Variants in PYGB observed in about 807,000 individuals in gnomAD.
The protein encoded by PYGB is glycogen phosphorylase B, also known as glycogen phosphorylase, brain form.
In PYGB, 82 loss-of-function variants were observed where a neutral mutation model predicts 94.3. The observed-to-expected ratio is 0.87, with a 90% CI of 0.73 to 1.04. The LOEUF (loss-of-function observed/expected upper bound fraction) is 1.04, where lower values mean the gene tolerates loss of function less well. Ranked by LOEUF, PYGB falls within the 50% of genes least tolerant of loss-of-function variation. The pLI is 0.00. For missense variants in PYGB, 1,132 were observed against 1,158.2 expected (o/e 0.98, Z 0.33); for synonymous variants, 488 against 479.1 (o/e 1.02, Z -0.24).
Position 25,281,109 on chromosome 20 carries a change from C to T in PYGB, c.1400C>T (p.Ser467Leu), listed in dbSNP as rs868627892. ...ARIHSEIVKQ[S>L]VFKDFYELEP... Reference sequence around the variant, plus strand: ...ATCCACTCGGAGATCGTGAAACAGTCGGTGTGAGTGGGGCGCTTGCCCGAG... The same window carrying T: ...ATCCACTCGGAGATCGTGAAACAGTTGGTGTGAGTGGGGCGCTTGCCCGAG... Residue 467 changes from serine (S) to leucine (L), a missense_variant, in exon 11 of 20, where the codon TCG becomes TTG. By Grantham distance (145) the Ser-to-Leu change is moderately radical (BLOSUM62 -2). Coordinates refer to ENST00000216962, the MANE Select transcript of PYGB (RefSeq NM_002862.4). 20 of 1,613,906 alleles carry T rather than the reference C, an allele frequency of 1.2e-5. No homozygotes were observed. The highest frequency in any genetic ancestry group is 1.7e-5 in the Admixed American group (1 of 59,994).
intron 2 of PYGB, 126 bp downstream of exon 2, chr20:25,259,464 G>C: frequency 1.4e-6 from 1 of 701,736 alleles, no homozygotes; most frequent in Non-Finnish European, 2.3e-6. Flanking sequence ...GGAGATTTAC[G>C]GCCTGTTCTC....
At chr20:25,260,819 C>T (rs115821609) in intron 2 of PYGB, among the ~76,000 whole-genome samples, 2,034 of 152,320 alleles carry the variant, frequency 0.013, 38 homozygotes, top group African/African-American at 0.043. Context: ...AAACGGCACA[C>T]GAGGAAATTA....
intron 6 of PYGB, 138 bp downstream of exon 6, chr20:25,276,895 C>A: frequency 1.3e-6 from 1 of 770,858 alleles, no homozygotes; most frequent in Non-Finnish European, 2.1e-6. Context: ...TCCCTGCGTC[C>A]CAGTGAAGAG....
chr20:25,268,146 T>G, intron 2 of PYGB, among the ~76,000 whole-genome samples: 1 of 113,426 alleles, frequency 8.8e-6, no homozygotes, highest in African/African-American at 3.5e-5. Context: ...CATTATTGAG[T>G]AAATCCTAGC....
At chr20:25,280,459 G>C in intron 10 of PYGB, 47 bp downstream of exon 10, 1 of 1,597,000 alleles carries the variant, frequency 6.3e-7, no homozygotes, top group Non-Finnish European at 8.6e-7. Flanking sequence ...CTACACCCAT[G>C]CCAACGGCCC....
chr20:25,292,978 GGCAGGA>G (rs1319358126), intron 17 of PYGB, among the ~76,000 whole-genome samples: 2 of 152,158 alleles, frequency 1.3e-5, no homozygotes, highest in Admixed American at 1.3e-4. Flanking sequence ...GCTGGGGCTG[GGCAGGA>G]CCCCACTGCC....
chr20:25,261,064 T>G (rs2092912421), intron 2 of PYGB, among the ~76,000 whole-genome samples: 1 of 152,232 alleles, frequency 6.6e-6, no homozygotes. Flanking sequence ...AGGGCATAGC[T>G]GAACAAAAGG....
intron 1 of PYGB, among the ~76,000 whole-genome samples, chr20:25,256,027 C>G (rs2092901835): frequency 6.6e-6 from 1 of 152,228 alleles, no homozygotes; most frequent in Non-Finnish European, 1.5e-5. Context: ...GCCATCACAC[C>G]TGGCTCCAGC....
intron 1 of PYGB, among the ~76,000 whole-genome samples, chr20:25,253,652 T>TAAAATAAAATAAAAG (rs2092894709): frequency 6.6e-6 from 1 of 151,450 alleles, no homozygotes; most frequent in African/African-American, 2.4e-5. Context: ...TAAAATAAAA[T>TAAAATAAAATAAAAG]AAAATAAGGT....
At chr20:25,287,138 G>T (rs1417703689) in intron 14 of PYGB, among the ~76,000 whole-genome samples, 1 of 152,204 alleles carries the variant, frequency 6.6e-6, no homozygotes, top group Non-Finnish European at 1.5e-5. Flanking sequence ...GACCTGGCGA[G>T]GACAGCCTGT....
rs758543025 is a variant in PYGB, at chr20:25,248,287, C to T, written c.109C>T (p.His37Tyr). The change falls in exon 1 of 20, where the codon CAC becomes TAC. Residue 37 changes from histidine (H) to tyrosine (Y), a missense_variant. Transcript: ENST00000216962. ...GCGGAAGAGCTTCAACCGGCACTTG[C>T]ACTTCACGCTGGTCAAGGACCGCAA... ...EVRKSFNRHLHFTLVKDRNVA... is the reference protein window; with the variant it reads ...EVRKSFNRHLYFTLVKDRNVA... 1 of 1,603,988 alleles carries T rather than the reference C, an allele frequency of 6.2e-7. No individual in the cohort carries two copies. Among genetic ancestry groups the T allele is most frequent in the Non-Finnish European group, 8.5e-7 (1 of 1,175,766 alleles).
chr20:25,287,673 CAAAA>C (rs1220487659), intron 14 of PYGB, among the ~76,000 whole-genome samples: 1 of 151,336 alleles, frequency 6.6e-6, no homozygotes, highest in Non-Finnish European at 1.5e-5. Flanking sequence ...CAAACAACAA[CAAAA>C]AAAACCCAAG....
intron 1 of PYGB, among the ~76,000 whole-genome samples, chr20:25,255,758 A>C (rs1285905123): frequency 7.0e-6 from 1 of 142,966 alleles, no homozygotes; most frequent in Non-Finnish European, 1.5e-5. Context: ...TTTGAGGTGG[A>C]GTTTTGCTCT....
chr20:25,278,549 G>A (rs774171233), intron 8 of PYGB, 87 bp downstream of exon 8: 8 of 1,539,456 alleles, frequency 5.2e-6, no homozygotes, highest in East Asian at 4.5e-5. Flanking sequence ...CCCAAAAGGG[G>A]CTAGAGTGGA....
Position 25,276,752 on chromosome 20 carries a change from A to G in PYGB, c.767A>G (p.Gln256Arg), listed in dbSNP as rs1208336244. 1.2e-6 allele frequency: 2 copies of G among 1,613,506 alleles called. No homozygotes were observed. The highest frequency in any genetic ancestry group is 1.7e-6 in the Non-Finnish European group (2 of 1,179,498). The change falls in exon 6 of 20, where the codon CAG (glutamine) becomes CGG (arginine). Residue 256 changes from glutamine to arginine, a missense_variant. Coordinates refer to ENST00000216962, the MANE Select transcript of PYGB (RefSeq NM_002862.4). ...SAKAPNDFKL[Q>R]DFNVGDYIEA... is the part of the protein sequence containing the mutation. ...AAGGCTCCCAACGACTTCAAGCTGC[A>G]GGACTGTACGTTCCGTGGTTCTTGG...
intron 4 of PYGB, 83 bp from the exon 5 acceptor site, chr20:25,274,509 C>T: frequency 6.6e-7 from 1 of 1,524,880 alleles, no homozygotes; most frequent in Non-Finnish European, 8.8e-7. Context: ...GTGATCTCGA[C>T]CGCACGGTCT....
At chr20:25,263,412 A>G (rs999805596) in intron 2 of PYGB, among the ~76,000 whole-genome samples, 4 of 152,232 alleles carry the variant, frequency 2.6e-5, no homozygotes, top group Non-Finnish European at 5.9e-5. Context: ...AGCTAGCAGA[A>G]GGCAAGAAAT....
chr20:25,269,285 G>A, intron 3 of PYGB, 78 bp downstream of exon 3: 4 of 1,227,614 alleles, frequency 3.3e-6, no homozygotes, highest in Non-Finnish European at 4.6e-6. Context: ...CCAGGGTCAG[G>A]TAAATTGGCC....
chr20:25,275,133 C>T lies in PYGB; in HGVS notation c.660+410C>T, dbSNP rs118037828. On this transcript the variant is annotated intron_variant, in intron 5 of 19. Coordinates refer to ENST00000216962, the MANE Select transcript of PYGB (RefSeq NM_002862.4). ...GCTCCCACTATCTCTGTGGAGCACACGACAAGCTCGCTTGGCCTCCTGGCG... is the reference window on the plus strand; with the variant it reads ...GCTCCCACTATCTCTGTGGAGCACATGACAAGCTCGCTTGGCCTCCTGGCG... 7.1e-3 allele frequency among the ~76,000 whole-genome samples: 1,082 copies of T among 152,378 alleles called. 10 individuals are homozygous for T. The highest frequency in any genetic ancestry group is 0.012 in the Non-Finnish European group (812 of 68,040).
Sources: gnomAD v4.1 joint callset for allele counts (sites outside exome capture counted in the v4.1 genomes callset) on GRCh38, gnomAD v4.1.1 for gene constraint, MANE v1.5 for transcripts, NCBI Gene and HGNC (gene_info 2026-07-23, HGNC 2026-07-21) for gene names.